Variants in NTNG2 observed in about 807,000 individuals in gnomAD.
The protein encoded by NTNG2 is netrin-G2.
NTNG2 carries 15 observed loss-of-function variants against 47.6 expected under a neutral mutation model. The observed-to-expected ratio is 0.32, with a 90% CI of 0.21 to 0.49. NTNG2 has a LOEUF of 0.49. Ranked by LOEUF, NTNG2 falls within the 20% of genes least tolerant of loss-of-function variation. NTNG2 has a pLI of 0.99. For missense variants in NTNG2, 578 were observed against 764.6 expected, an observed-to-expected ratio of 0.76 and a Z score of 2.88; for synonymous variants, 307 against 324.6, an observed-to-expected ratio of 0.95 and a Z score of 0.58.
chr9:132,164,974 G>C (rs1835404826), intron 1 of NTNG2, among the ~76,000 whole-genome samples: 1 of 152,352 alleles, frequency 6.6e-6, no homozygotes, highest in African/African-American at 2.4e-5. Flanking sequence ...GGAGTTTCAC[G>C]GAAACACAGT....
At position 132,244,355 on chromosome 9, in the gene NTNG2, A is replaced by C. The variant is rs566632182; in HGVS notation, c.*2244A>C. On this transcript the variant is annotated 3_prime_UTR_variant, in exon 8 of 8. Coordinates refer to ENST00000393229, the MANE Select transcript of NTNG2 (RefSeq NM_032536.4). Reference sequence around the variant, plus strand: ...CTGCACTGCTTTTATTTATCTACTTATTTTTATAGAGTTGAGGTCTCACTA... The same window carrying C: ...CTGCACTGCTTTTATTTATCTACTTCTTTTTATAGAGTTGAGGTCTCACTA... 6.6e-6 allele frequency: 1 copy of C among 152,238 alleles called. No individual in the cohort carries two copies. Among genetic ancestry groups the C allele is most frequent in the South Asian group, 2.1e-4 (1 of 4,822 alleles). 9.4% of individuals were successfully genotyped at this position (152,238 alleles called of 1,614,324 possible).
rs764703217 is a variant in NTNG2 at position 132,215,079 on chromosome 9, G to C, written c.858-11770G>C. Among the ~76,000 whole-genome samples, 187 of 27,780 alleles carry C rather than the reference G, an allele frequency of 6.7e-3. 7 individuals carry two copies. The South Asian group carries it at 0.18, about 27-fold the overall frequency. The allele number at this position is 27,780 out of a possible 152,430, so 18.2% of individuals were successfully genotyped here. On this transcript the variant is annotated intron_variant, in intron 3 of 7. Coordinates refer to ENST00000393229, the MANE Select transcript of NTNG2 (RefSeq NM_032536.4). The surrounding 1 kb of genome is among the most constrained non-coding windows in gnomAD (Gnocchi z 4.2). ...TTTTTTAATTTTTTTGTAGAGATTG[G>C]GGGGGGGGGTCTCACTTTCTTGCCC...
chr9:132,224,016 G>A (rs114607739), intron 3 of NTNG2, among the ~76,000 whole-genome samples: 2,190 of 152,126 alleles, frequency 0.014, 41 homozygotes, highest in African/African-American at 0.049. Context: ...CTTCTGGCCC[G>A]GCAACTCTTG....
At chr9:132,239,020 TG>T in intron 5 of NTNG2, 83 bp from the exon 6 acceptor site, 1 of 1,395,032 alleles carries the variant, frequency 7.2e-7, no homozygotes, top group Non-Finnish European at 1.0e-6. Context: ...CTGCATGACC[TG>T]GGGTGAGTCC....
intron 5 of NTNG2, among the ~76,000 whole-genome samples, chr9:132,238,459 A>AT (rs1564447588): frequency 6.6e-6 from 1 of 152,160 alleles, no homozygotes; most frequent in East Asian, 1.9e-4. Flanking sequence ...AGGGGGAGGC[A>AT]TGCAGGTTCC....
In NTNG2 at chr9:132,226,312, G is replaced by A. The variant is rs1840752128; in HGVS notation, c.858-537G>A. Among the ~76,000 whole-genome samples the A allele has an allele frequency of 6.6e-6, 1 of 152,198 alleles. No homozygotes were observed. Among genetic ancestry groups the A allele is most frequent in the African/African-American group, 2.4e-5 (1 of 41,432 alleles). ...TAATACACCTGTGAATGAACTGACG[G>A]GGGTGTGGGAGTTGGGGGTTCTATC... On this transcript the variant is annotated intron_variant, in intron 3 of 7. Coordinates refer to ENST00000393229, the MANE Select transcript of NTNG2 (RefSeq NM_032536.4). The surrounding 1 kb of genome is among the most constrained non-coding windows in gnomAD (Gnocchi z 4.8).
chr9:132,192,505 C>CTGAG, intron 2 of NTNG2, among the ~76,000 whole-genome samples: 1 of 152,198 alleles, frequency 6.6e-6, no homozygotes, highest in Non-Finnish European at 1.5e-5. Flanking sequence ...GCAGGAGTAT[C>CTGAG]GCTTGAACCC....
At chr9:132,223,885 C>A (rs947634252) in intron 3 of NTNG2, among the ~76,000 whole-genome samples, 1 of 151,972 alleles carries the variant, frequency 6.6e-6, no homozygotes, top group Non-Finnish European at 1.5e-5. Context: ...AGTAAAATCC[C>A]GCCTCCGTCT....
rs530567269 is a variant in NTNG2, at chr9:132,182,903, C to A, written c.214-15063C>A. ...TTCCCCCCCTGCCGCAGCTGCCCCC[C>A]AGACCAGCTTCAGCAGCCTCTCTGG... On this transcript the variant is annotated intron_variant, in intron 2 of 7. Coordinates refer to ENST00000393229, the MANE Select transcript of NTNG2 (RefSeq NM_032536.4). This position sits in a 1 kb window ranked among gnomAD's most constrained non-coding sequence, Gnocchi z 4.2. Among the ~76,000 whole-genome samples, 1 of 152,088 alleles carries A rather than the reference C, an allele frequency of 6.6e-6. No homozygotes were observed. Among genetic ancestry groups the A allele is most frequent in the Non-Finnish European group, 1.5e-5 (1 of 68,022 alleles).
intron 2 of NTNG2, among the ~76,000 whole-genome samples, chr9:132,168,736 C>T (rs1052324636): frequency 3.3e-5 from 5 of 152,128 alleles, no homozygotes; most frequent in Non-Finnish European, 7.4e-5. Flanking sequence ...TGGGAGGGTT[C>T]TCCACACGCT....
chr9:132,226,387 C>T lies in NTNG2; in HGVS notation c.858-462C>T, dbSNP rs1037183005. Among the ~76,000 whole-genome samples the T allele has an allele frequency of 6.6e-6, 1 of 152,202 alleles. No homozygotes were observed. The highest frequency in any genetic ancestry group is 1.9e-4 in the East Asian group (1 of 5,196). Reference sequence around the variant, plus strand: ...GGGCCACAACCTGACAGCAGAGGTCCAGCCTGAAGCCAGGTGCCTTTCTAC... The same window carrying T: ...GGGCCACAACCTGACAGCAGAGGTCTAGCCTGAAGCCAGGTGCCTTTCTAC... On this transcript the variant is annotated intron_variant, in intron 3 of 7. Coordinates refer to ENST00000393229, the MANE Select transcript of NTNG2 (RefSeq NM_032536.4). This position sits in a 1 kb window ranked among gnomAD's most constrained non-coding sequence, Gnocchi z 4.8.
At position 132,197,220 on chromosome 9, in the gene NTNG2, C is replaced by A. The variant is rs904599009; in HGVS notation, c.214-746C>A. 5.3e-5 allele frequency among the ~76,000 whole-genome samples: 8 copies of A among 152,124 alleles called. No homozygotes were observed. The highest frequency in any genetic ancestry group is 1.7e-4 in the African/African-American group (7 of 41,414). ...CCTGGCCAACATGGCGAAACCCTGTCTCTACTAAAAACACAAAAATTAGCC... is the reference window on the plus strand; with the variant it reads ...CCTGGCCAACATGGCGAAACCCTGTATCTACTAAAAACACAAAAATTAGCC... On this transcript the variant is annotated intron_variant, in intron 2 of 7. Coordinates refer to ENST00000393229, the MANE Select transcript of NTNG2 (RefSeq NM_032536.4). The surrounding 1 kb of genome is among the most constrained non-coding windows in gnomAD (Gnocchi z 4.3).
rs182424083 is a variant in NTNG2, at chr9:132,229,858, T to G, written c.1031-714T>G. ...CAGCTCCTTCCTTTTGCAACTCTGA[T>G]GAATCTCACCCAGGGATTTCAAGGC... On this transcript the variant is annotated intron_variant, in intron 4 of 7. Coordinates refer to ENST00000393229, the MANE Select transcript of NTNG2 (RefSeq NM_032536.4). Among the ~76,000 whole-genome samples, 770 of 152,344 alleles carry G rather than the reference T, an allele frequency of 5.1e-3. 6 individuals carry two copies. The highest frequency in any genetic ancestry group is 0.024 in the Middle Eastern group (7 of 294).
At chr9:132,169,026 G>A (rs1211193606) in intron 2 of NTNG2, among the ~76,000 whole-genome samples, 1 of 152,158 alleles carries the variant, frequency 6.6e-6, no homozygotes, top group Non-Finnish European at 1.5e-5. Flanking sequence ...CTGGGGAGGT[G>A]GTCACCCCTC....
At chr9:132,168,750 G>A (rs1007761014) in intron 2 of NTNG2, among the ~76,000 whole-genome samples, 3 of 152,154 alleles carry the variant, frequency 2.0e-5, no homozygotes, top group African/African-American at 4.8e-5. Flanking sequence ...ACACGCTCTC[G>A]GGCACGGTCA....
At chr9:132,191,609 G>A (rs1421110894) in intron 2 of NTNG2, among the ~76,000 whole-genome samples, 1 of 151,904 alleles carries the variant, frequency 6.6e-6, no homozygotes, top group African/African-American at 2.4e-5. Context: ...TGTCGCCCAG[G>A]CTGGAGTGCT....
At chr9:132,209,902 A>G in intron 3 of NTNG2, among the ~76,000 whole-genome samples, 1 of 126,754 alleles carries the variant, frequency 7.9e-6, no homozygotes, top group African/African-American at 3.0e-5. Context: ...CCAGGACTGA[A>G]GATAGCTGTG....
At chr9:132,186,228 A>G (rs1358777100) in intron 2 of NTNG2, among the ~76,000 whole-genome samples, 2 of 152,138 alleles carry the variant, frequency 1.3e-5, no homozygotes, top group African/African-American at 4.8e-5. Flanking sequence ...TCTGAGACAG[A>G]CGCCCATGTG....
intron 2 of NTNG2, among the ~76,000 whole-genome samples, chr9:132,167,394 G>A (rs1175103478): frequency 6.6e-6 from 1 of 152,250 alleles, no homozygotes; most frequent in East Asian, 1.9e-4. Context: ...TTCTGGGCGA[G>A]TGAGCAAGAT....
Sources: gnomAD v4.1 joint callset for allele counts (sites outside exome capture counted in the v4.1 genomes callset) on GRCh38, gnomAD v4.1.1 for gene constraint, Gnocchi (gnomAD v3.1) non-coding constraint, MANE v1.5 for transcripts, NCBI Gene and HGNC (gene_info 2026-07-23, HGNC 2026-07-21) for gene names.